The following ETV6 variants were observed in gnomAD, a reference collection of about 807,000 sequenced individuals.
ETV6 encodes transcription factor ETV6.
In ETV6, 16 loss-of-function variants were observed where a neutral mutation model predicts 51.1. The observed-to-expected ratio is 0.31, with a 90% CI of 0.21 to 0.48. The LOEUF is 0.48. Among genes scored for constraint, ETV6 ranks in the 20% least tolerant of loss-of-function variants. The pLI is 0.99. For missense variants in ETV6, 458 were observed against 594.8 expected (o/e 0.77, Z 2.39); for synonymous variants, 240 against 224.1 (o/e 1.07, Z -0.64).
intron 1 of ETV6, among the ~76,000 whole-genome samples, chr12:11,669,007 T>G (rs1864251745): frequency 6.6e-6 from 1 of 152,216 alleles, no homozygotes; most frequent in Non-Finnish European, 1.5e-5. Context: ...TTGCAACTCT[T>G]ACTTTGTGGG....
intron 1 of ETV6, among the ~76,000 whole-genome samples, chr12:11,726,365 G>C (rs1174394828): frequency 1.3e-5 from 2 of 152,156 alleles, no homozygotes. Context: ...CAGTAGCCTA[G>C]GCCACAGGTA....
rs140357643 is a variant in ETV6 at position 11,853,478 on chromosome 12, G to A, written c.380G>A (p.Arg127Gln). 1,726 of 1,614,174 alleles carry A rather than the reference G, an allele frequency of 1.1e-3. 3 individuals carry two copies. The highest frequency in any genetic ancestry group is 1.4e-3 in the Non-Finnish European group (1,665 of 1,180,032). The part of the protein sequence containing the change: ...LQHILKQRKP[R>Q]ILFSPFFHPG... Reference sequence around the variant, plus strand: ...CATATTCTGAAGCAGAGGAAACCTCGGATTCTTTTTTCACCATTCTTCCAC... The same window carrying A: ...CATATTCTGAAGCAGAGGAAACCTCAGATTCTTTTTTCACCATTCTTCCAC... Residue 127 changes from arginine (R) to glutamine (Q), a missense_variant, in exon 4 of 8, where the codon CGG becomes CAG. This residue lies in a region of ETV6 where 293 missense variants were observed against 315.7 expected (regional missense o/e 0.93). Transcript: ENST00000396373.
At chr12:11,712,522 A>G (rs1050288118) in intron 1 of ETV6, among the ~76,000 whole-genome samples, 4 of 152,206 alleles carry the variant, frequency 2.6e-5, no homozygotes, top group Non-Finnish European at 5.9e-5. Flanking sequence ...CCAGAGAAAC[A>G]GAACCAATAG....
chr12:11,734,540 AAAG>A (rs1189322773), intron 1 of ETV6, among the ~76,000 whole-genome samples: 18 of 151,948 alleles, frequency 1.2e-4, no homozygotes, highest in South Asian at 4.1e-4. Context: ...AAAAAAAAAA[AAAG>A]AAGAAGAAGA....
intron 2 of ETV6, among the ~76,000 whole-genome samples, chr12:11,822,526 G>T (rs1190894165): frequency 6.6e-6 from 1 of 152,070 alleles, no homozygotes; most frequent in African/African-American, 2.4e-5. Flanking sequence ...GGAAATTTTG[G>T]TTATAAAACC....
At chr12:11,749,611 G>C (rs530385331) in intron 1 of ETV6, among the ~76,000 whole-genome samples, 1 of 152,338 alleles carries the variant, frequency 6.6e-6, no homozygotes, top group South Asian at 2.1e-4. Flanking sequence ...TGATGTGCCA[G>C]GGTAGATGTT....
At chr12:11,815,898 C>T (rs193292204) in intron 2 of ETV6, among the ~76,000 whole-genome samples, 140 of 152,318 alleles carry the variant, frequency 9.2e-4, no homozygotes, top group African/African-American at 3.0e-3. Context: ...AGTTCTATTA[C>T]AGTTTCTGCT....
chr12:11,745,132 G>A (rs1172603912), intron 1 of ETV6, among the ~76,000 whole-genome samples: 2 of 152,186 alleles, frequency 1.3e-5, no homozygotes, highest in Non-Finnish European at 2.9e-5. Flanking sequence ...TGATAAAGAA[G>A]GGGACTGTGG....
chr12:11,789,356 G>T (rs866793399), intron 2 of ETV6, among the ~76,000 whole-genome samples: 5 of 152,190 alleles, frequency 3.3e-5, no homozygotes, highest in Middle Eastern at 3.4e-3. Flanking sequence ...TTCTTACTTG[G>T]TTTTTTATCT....
At chr12:11,775,831 C>T (rs561060637) in intron 2 of ETV6, among the ~76,000 whole-genome samples, 3 of 152,312 alleles carry the variant, frequency 2.0e-5, no homozygotes, top group Non-Finnish European at 2.9e-5. Flanking sequence ...CACTGAGCAC[C>T]AAGTTATTAC....
intron 4 of ETV6, among the ~76,000 whole-genome samples, chr12:11,866,333 A>T (rs1946790359): frequency 6.6e-6 from 1 of 152,016 alleles, no homozygotes; most frequent in African/African-American, 2.4e-5. Context: ...GTTAACTCCA[A>T]CATCTGCATT....
At chr12:11,668,433 A>C (rs1864238752) in intron 1 of ETV6, among the ~76,000 whole-genome samples, 2 of 151,488 alleles carry the variant, frequency 1.3e-5, no homozygotes, top group African/African-American at 4.9e-5. Context: ...GGCAAGCCTT[A>C]CAAAAGGATA....
intron 3 of ETV6, among the ~76,000 whole-genome samples, chr12:11,849,910 C>T (rs566014882): frequency 4.6e-4 from 70 of 152,278 alleles, no homozygotes; most frequent in African/African-American, 1.6e-3. Context: ...AGCAAGTGGT[C>T]CCCGTCCGCA....
intron 1 of ETV6, among the ~76,000 whole-genome samples, 158 bp downstream of exon 1, chr12:11,650,318 T>A (rs1281919959): frequency 6.7e-6 from 1 of 149,530 alleles, no homozygotes; most frequent in East Asian, 2.0e-4. Flanking sequence ...CGGTGGCTGC[T>A]GTACCCTTTA....
At chr12:11,679,255 A>G (rs962146087) in intron 1 of ETV6, among the ~76,000 whole-genome samples, 3 of 152,038 alleles carry the variant, frequency 2.0e-5, no homozygotes, top group Non-Finnish European at 4.4e-5. Context: ...CACCCCTTTG[A>G]CTCTCAGCAT....
In ETV6 at chr12:11,891,178, T is replaced by C; in HGVS notation, c.*132T>C. 1.5e-6 allele frequency: 1 copy of C among 675,916 alleles called. No homozygotes were observed. The highest frequency in any genetic ancestry group is 2.7e-5 in the Admixed American group (1 of 37,690). 41.9% of individuals were successfully genotyped at this position (675,916 alleles called of 1,614,324 possible). A position where few individuals can be genotyped will look rare whatever the true frequency, so the allele number is the denominator to read the frequency against. Reference sequence around the variant, plus strand: ...AGCGACCCAGAAATGGCAGGGACACTTCTCTTGCAGACCAAGAGGGACCCT... The same window carrying C: ...AGCGACCCAGAAATGGCAGGGACACCTCTCTTGCAGACCAAGAGGGACCCT... On this transcript the variant is annotated 3_prime_UTR_variant, in exon 8 of 8. Coordinates refer to ENST00000396373, the MANE Select transcript of ETV6 (RefSeq NM_001987.5).
intron 1 of ETV6, among the ~76,000 whole-genome samples, chr12:11,699,243 G>A (rs2120829112): frequency 6.6e-6 from 1 of 152,150 alleles, no homozygotes; most frequent in South Asian, 2.1e-4. Context: ...GAATTTAGTG[G>A]GGTTTGCATG....
intron 3 of ETV6, among the ~76,000 whole-genome samples, chr12:11,843,689 T>G (rs1357669555): frequency 6.6e-6 from 1 of 152,114 alleles, no homozygotes; most frequent in Non-Finnish European, 1.5e-5. Flanking sequence ...ATACCTTAAG[T>G]CAAATACAGT....
intron 3 of ETV6, among the ~76,000 whole-genome samples, chr12:11,850,560 TA>T: frequency 1.6e-5 from 2 of 125,874 alleles, no homozygotes; most frequent in South Asian, 4.7e-4. Context: ...GTGGTGGTGG[TA>T]GTGGTGGTGG....
Sources: gnomAD v4.1 joint callset for allele counts (sites outside exome capture counted in the v4.1 genomes callset) on GRCh38, gnomAD v4.1.1 for gene constraint, gnomAD v4.1.1 regional missense constraint, MANE v1.5 for transcripts, NCBI Gene and HGNC (gene_info 2026-07-23, HGNC 2026-07-21) for gene names.